Variants in ZNF722 observed in about 807,000 individuals in gnomAD.
ZNF722 encodes the protein zinc finger protein 722.
At chr7:64,002,735 A>G in the ZNF722 span, among the ~76,000 whole-genome samples, 2 of 152,296 alleles carry the variant, frequency 1.3e-5, no homozygotes, top group African/African-American at 4.8e-5. Context: ...TACCTGCTTA[A>G]TAAACATTTT....
the ZNF722 span, among the ~76,000 whole-genome samples, chr7:64,010,911 T>G: frequency 6.6e-6 from 1 of 152,222 alleles, no homozygotes; most frequent in Non-Finnish European, 1.5e-5. Context: ...ACTTGCTTTA[T>G]GAATCTGGGT....
At chr7:64,002,945 T>C in the ZNF722 span, among the ~76,000 whole-genome samples, 13 of 152,236 alleles carry the variant, frequency 8.5e-5, no homozygotes, top group Non-Finnish European at 1.6e-4. Context: ...CTCTCGCTAA[T>C]GCTAATAATG....
At chr7:64,014,864 C>G in the ZNF722 span, among the ~76,000 whole-genome samples, 1 of 152,176 alleles carries the variant, frequency 6.6e-6, no homozygotes, top group Non-Finnish European at 1.5e-5. Flanking sequence ...ATTTTGATCA[C>G]TATGATTTTG....
At chr7:64,000,436 C>CTTTT in the ZNF722 span, among the ~76,000 whole-genome samples, 1,648 of 23,744 alleles carry the variant, frequency 0.069, 642 homozygotes, top group Admixed American at 0.077. Context: ...CATGCCCGGC[C>CTTTT]TTTTTTTTTT....
At chr7:64,015,032 G>C in the ZNF722 span, 1 of 1,313,384 alleles carries the variant, frequency 7.6e-7, no homozygotes, top group South Asian at 1.2e-5. Flanking sequence ...TTTCAGTTAC[G>C]TGTTCTCATT....
the ZNF722 span, chr7:63,999,051 G>A: frequency 6.5e-7 from 1 of 1,548,562 alleles, no homozygotes; most frequent in Non-Finnish European, 8.9e-7. Flanking sequence ...GTTGGAACCG[G>A]CTGAAAGTGG....
chr7:64,006,415 C>T, the ZNF722 span: 10 of 863,152 alleles, frequency 1.2e-5, no homozygotes, highest in Admixed American at 9.2e-5. Flanking sequence ...AGCTGTGCTT[C>T]GATGGAAAGA....
At chr7:64,008,190 G>C in the ZNF722 span, among the ~76,000 whole-genome samples, 1 of 152,144 alleles carries the variant, frequency 6.6e-6, no homozygotes, top group East Asian at 1.9e-4. Flanking sequence ...CCATTCTGTA[G>C]GTTGTCTGTT....
At chr7:63,999,742 G>C in the ZNF722 span, among the ~76,000 whole-genome samples, 72 of 152,270 alleles carry the variant, frequency 4.7e-4, 1 homozygote, top group Admixed American at 9.8e-4. Context: ...CTGTCACCCA[G>C]GCTGGAGTGC....
At chr7:64,010,189 G>A in the ZNF722 span, among the ~76,000 whole-genome samples, 654 of 152,046 alleles carry the variant, frequency 4.3e-3, 4 homozygotes, top group African/African-American at 0.015. Context: ...TGTTCAAAAA[G>A]CCAGCTCCTG....
chr7:64,010,714 C>T, the ZNF722 span, among the ~76,000 whole-genome samples: 115,738 of 152,076 alleles, frequency 0.76, 44,150 homozygotes, highest in Admixed American at 0.8. Flanking sequence ...GAAGAATGTA[C>T]ATTCCGTTGC....
chr7:64,001,650 A>G, the ZNF722 span, among the ~76,000 whole-genome samples: 1 of 152,122 alleles, frequency 6.6e-6, no homozygotes, highest in African/African-American at 2.4e-5. Context: ...CAGGTTTTTG[A>G]AAAAATGCCA....
the ZNF722 span, chr7:64,006,090 G>A: frequency 3.7e-6 from 2 of 543,898 alleles, no homozygotes. Flanking sequence ...TTCTAAATAT[G>A]TAGAAAGGTC....
chr7:64,015,197 A>C, the ZNF722 span: 47 of 1,292,630 alleles, frequency 3.6e-5, no homozygotes, highest in East Asian at 8.3e-4. Context: ...GTTATAATGA[A>C]GTTAAGCAAT....
chr7:64,014,897 G>C, the ZNF722 span: 2 of 722,650 alleles, frequency 2.8e-6, no homozygotes, highest in Admixed American at 6.2e-5. Context: ...ATCTATGAAG[G>C]AATTATGGCC....
At chr7:64,000,129 TTTTTG>T in the ZNF722 span, among the ~76,000 whole-genome samples, 3 of 74,330 alleles carry the variant, frequency 4.0e-5, no homozygotes, top group Non-Finnish European at 3.1e-5. Flanking sequence ...CTTTTTTTTT[TTTTTG>T]TGTGTGTGTG....
chr7:64,014,962 C>T, the ZNF722 span: 25 of 1,127,176 alleles, frequency 2.2e-5, no homozygotes, highest in African/African-American at 1.5e-4. Flanking sequence ...TTTATATATT[C>T]GATTTGTAAA....
At chr7:64,006,376 G>A in the ZNF722 span, 4 of 1,110,408 alleles carry the variant, frequency 3.6e-6, no homozygotes, top group Non-Finnish European at 5.1e-6. Flanking sequence ...AATCAACAAG[G>A]CAGCCAGTCC....
chr7:64,006,116 T>A, the ZNF722 span: 1 of 649,306 alleles, frequency 1.5e-6, no homozygotes, highest in Non-Finnish European at 2.3e-6. Flanking sequence ...TGAATCAACT[T>A]TAATTTTCTA....
Sources: allele counts gnomAD v4.1 joint callset (sites outside exome capture counted in the v4.1 genomes callset), GRCh38; gene constraint gnomAD v4.1.1; transcripts MANE v1.5; gene names NCBI Gene and HGNC (gene_info 2026-07-23, HGNC 2026-07-21).